Variants in CNIH1 observed in about 807,000 individuals in gnomAD.
CNIH1 encodes the protein cornichon family member 1, also known as protein cornichon homolog 1.
In CNIH1, 12 loss-of-function variants were observed where a neutral mutation model predicts 20.2. The ratio of observed to expected loss-of-function variants is 0.59; its 90% CI spans 0.38 to 0.96. The LOEUF (loss-of-function observed/expected upper bound fraction) is 0.96, where lower values mean the gene tolerates loss of function less well. Ranked by LOEUF, CNIH1 falls within the 40% of genes least tolerant of loss-of-function variation. The pLI, the probability that CNIH1 is intolerant of heterozygous loss-of-function variation, is 0.00. For synonymous variants in CNIH1, 69 were observed against 63.3 expected (o/e 1.09, Z -0.43); for missense variants, 152 against 178.8 (o/e 0.85, Z 0.85).
rs994139133 is a variant in CNIH1, at chr14:54,423,883, G to A, written c.*3931C>T. The A allele has an allele frequency of 6.6e-6, 1 of 152,186 alleles. No homozygotes were observed. Among genetic ancestry groups the A allele is most frequent in the East Asian group, 1.9e-4 (1 of 5,204 alleles). The allele number at this position is 152,186 out of a possible 1,614,324, so 9.4% of individuals were successfully genotyped here. ...TCAAGATGTTCTCCACATCTACAATGTGCATTAACAAAATTAATGCAGATA... is the reference window on the plus strand; with the variant it reads ...TCAAGATGTTCTCCACATCTACAATATGCATTAACAAAATTAATGCAGATA... On this transcript the variant is annotated 3_prime_UTR_variant, in exon 5 of 5. Coordinates refer to ENST00000216416, the MANE Select transcript of CNIH1 (RefSeq NM_005776.3).
intron 2 of CNIH1, among the ~76,000 whole-genome samples, chr14:54,434,476 C>T (rs949299984): frequency 1.3e-5 from 2 of 152,210 alleles, no homozygotes; most frequent in Non-Finnish European, 2.9e-5. Flanking sequence ...CTGACTCTAT[C>T]TTAGCTGTAT....
At chr14:54,438,822 G>A (rs1429060230) in intron 1 of CNIH1, among the ~76,000 whole-genome samples, 1 of 152,214 alleles carries the variant, frequency 6.6e-6, no homozygotes, top group Non-Finnish European at 1.5e-5. Flanking sequence ...TGGGTCATGG[G>A]AGCAGATCCC....
At chr14:54,431,276 C>T (rs1429112723) in intron 3 of CNIH1, among the ~76,000 whole-genome samples, 10 of 152,080 alleles carry the variant, frequency 6.6e-5, no homozygotes, top group Admixed American at 5.9e-4. Context: ...TATAGGCGCC[C>T]GCCACCACTA....
chr14:54,436,866 A>G (rs2031064902), intron 1 of CNIH1: 2 of 415,598 alleles, frequency 4.8e-6, no homozygotes, highest in Non-Finnish European at 9.4e-6. Flanking sequence ...AATTGCCCAC[A>G]TCTCCACACA....
intron 2 of CNIH1, chr14:54,436,056 T>C (rs1242174801): frequency 4.3e-6 from 3 of 701,830 alleles, no homozygotes; most frequent in Admixed American, 2.0e-5. Flanking sequence ...CATTAAAACA[T>C]TTAACTAAAA....
intron 2 of CNIH1, among the ~76,000 whole-genome samples, chr14:54,433,176 T>C (rs1247684609): frequency 2.0e-5 from 3 of 152,216 alleles, no homozygotes; most frequent in Non-Finnish European, 4.4e-5. Context: ...TCAGCCGAAG[T>C]ATCTCCTGTA....
intron 3 of CNIH1, among the ~76,000 whole-genome samples, chr14:54,431,001 T>G (rs1330985189): frequency 2.6e-5 from 4 of 152,020 alleles, no homozygotes; most frequent in African/African-American, 9.7e-5. Flanking sequence ...TTAGCTAATT[T>G]TTTTTGTAGA....
At position 54,441,307 on chromosome 14, in the gene CNIH1, G is replaced by C; in HGVS notation, c.21C>G (p.Ala7=). ...GCAGCAGCGCCAGCATGTAGCAGAA[G>C]GCCGCGAACGTGAACGCCATGGCTG... MAFTFA[A]FCYMLALLLT... The change falls in exon 1 of 5, where the codon GCC becomes GCG. Residue 7 remains alanine, a synonymous_variant. Transcript: ENST00000216416. The C allele has an allele frequency of 6.6e-7, 1 of 1,517,098 alleles. No homozygotes were observed. Among genetic ancestry groups the C allele is most frequent in the Non-Finnish European group, 8.9e-7 (1 of 1,128,794 alleles). 94.0% of individuals were successfully genotyped at this position (1,517,098 alleles called of 1,614,324 possible). A position where few individuals can be genotyped will look rare whatever the true frequency, so the allele number is the denominator to read the frequency against.
intron 3 of CNIH1, among the ~76,000 whole-genome samples, 194 bp downstream of exon 3, chr14:54,431,914 A>G (rs143111305): frequency 1.3e-5 from 2 of 152,368 alleles, no homozygotes; most frequent in Admixed American, 1.3e-4. Context: ...TTTTAAAAAA[A>G]TTCCTTTAAA....
chr14:54,434,144 A>G (rs777985945), intron 2 of CNIH1, among the ~76,000 whole-genome samples: 1 of 152,228 alleles, frequency 6.6e-6, no homozygotes, highest in Non-Finnish European at 1.5e-5. Context: ...AAAAATAGTG[A>G]TATTTGTCTT....
At chr14:54,439,819 G>C (rs1444959876) in intron 1 of CNIH1, among the ~76,000 whole-genome samples, 2 of 151,930 alleles carry the variant, frequency 1.3e-5, no homozygotes, top group Non-Finnish European at 2.9e-5. Context: ...CAAAGTGCTG[G>C]GATTACAGGA....
intron 4 of CNIH1, among the ~76,000 whole-genome samples, chr14:54,429,347 G>A (rs1383103285): frequency 2.6e-5 from 4 of 152,166 alleles, no homozygotes; most frequent in Non-Finnish European, 5.9e-5. Context: ...GCTGCTGAAC[G>A]TCCCATGATA....
At chr14:54,431,777 A>T (rs2030950190) in intron 3 of CNIH1, among the ~76,000 whole-genome samples, 1 of 152,152 alleles carries the variant, frequency 6.6e-6, no homozygotes, top group African/African-American at 2.4e-5. Context: ...GGCATAAGTG[A>T]ATGCTCTGGA....
In CNIH1 at chr14:54,427,801, T is replaced by A. The variant is rs367907346; in HGVS notation, c.*13A>T. 2.5e-6 allele frequency: 4 copies of A among 1,613,742 alleles called. No homozygotes were observed. Among genetic ancestry groups the A allele is most frequent in the Non-Finnish European group, 3.4e-6 (4 of 1,179,870 alleles). On this transcript the variant is annotated 3_prime_UTR_variant, in exon 5 of 5. Transcript: ENST00000216416. ...GCATGCACTTAACTGGACCAATTCTTCTGTGTGTTGTTCTAAGAGCTCACC... is the reference window on the plus strand; with the variant it reads ...GCATGCACTTAACTGGACCAATTCTACTGTGTGTTGTTCTAAGAGCTCACC...
chr14:54,440,023 A>G (rs1163354321), intron 1 of CNIH1, among the ~76,000 whole-genome samples: 5 of 152,260 alleles, frequency 3.3e-5, no homozygotes, highest in Non-Finnish European at 5.9e-5. Context: ...AATAGCCTAC[A>G]TAAGTATTCC....
chr14:54,427,624 G>A lies in CNIH1; in HGVS notation c.*190C>T, dbSNP rs1445728568. The stretch of plus-strand genomic sequence containing the variant: ...GTAATACCATTTAAAATCTTTATCT[G>A]AGTATAACATATGAAAACAGTCTTT... On this transcript the variant is annotated 3_prime_UTR_variant, in exon 5 of 5. Coordinates refer to ENST00000216416, the MANE Select transcript of CNIH1 (RefSeq NM_005776.3). 3.3e-5 allele frequency: 20 copies of A among 602,002 alleles called. 1 individual carries two copies. In the South Asian group the frequency reaches 4.1e-4, roughly 12 times the overall value. The allele number at this position is 602,002 out of a possible 1,614,324, so 37.3% of individuals were successfully genotyped here.
chr14:54,430,400 T>C lies in CNIH1; in HGVS notation c.268A>G (p.Met90Val), dbSNP rs1477507527. The change falls in exon 4 of 5, where the codon ATG (methionine) becomes GTG (valine). Residue 90 changes from methionine to valine, a missense_variant. Met to Val is a conservative substitution (Grantham distance 21, BLOSUM62 1). Around this residue, in one of 3 missense-constraint regions of CNIH1, gnomAD observed 27 missense variants for 55.4 expected, o/e 0.49. Coordinates refer to ENST00000216416, the MANE Select transcript of CNIH1 (RefSeq NM_005776.3). ...GGGCCACTCATCACTGGTCTACTCA[T>C]ATACCTGGAATAAACACAGTCTATT... ...PLLAYHIWRY[M>V]SRPVMSGPGL... 6 of 1,613,278 alleles carry C rather than the reference T, an allele frequency of 3.7e-6. No individual in the cohort carries two copies. In the African/African-American group the frequency reaches 4.0e-5, roughly 11 times the overall value.
intron 2 of CNIH1, 127 bp from the exon 3 acceptor site, chr14:54,432,347 G>C: frequency 1.9e-6 from 1 of 513,410 alleles, no homozygotes. Flanking sequence ...AGAAATAAAA[G>C]ATGCTACTGA....
At chr14:54,436,498 C>T (rs111637216) in intron 1 of CNIH1, 61 bp from the exon 2 acceptor site, 1 of 846,296 alleles carries the variant, frequency 1.2e-6, no homozygotes, top group South Asian at 1.5e-5. Context: ...AACAAACCTG[C>T]CCCATCTTCA....
Sources: gnomAD v4.1 joint callset for allele counts (sites outside exome capture counted in the v4.1 genomes callset) on GRCh38, gnomAD v4.1.1 for gene constraint, gnomAD v4.1.1 regional missense constraint, MANE v1.5 for transcripts, NCBI Gene and HGNC (gene_info 2026-07-23, HGNC 2026-07-21) for gene names.